The following RECQL variants were observed in gnomAD, a reference collection of about 807,000 sequenced individuals.
RECQL encodes the protein RecQ like helicase.
Under a neutral mutation model 75.8 loss-of-function variants are expected in RECQL, and 73 were observed. The observed-to-expected ratio is 0.96, with a 90% CI of 0.80 to 1.17. RECQL has a LOEUF of 1.17. Ranked by LOEUF, RECQL falls within the 50% of genes most tolerant of loss-of-function variation. The pLI is 0.00. For synonymous variants in RECQL, 248 were observed against 254.4 expected, an observed-to-expected ratio of 0.97 and a Z score of 0.24; for missense variants, 699 against 772.1, an observed-to-expected ratio of 0.91 and a Z score of 1.12.
chr12:21,483,981 T>C (rs1156743023), intron 5 of RECQL, among the ~76,000 whole-genome samples: 1 of 152,190 alleles, frequency 6.6e-6, no homozygotes, highest in African/African-American at 2.4e-5. Flanking sequence ...AATCCCTTTA[T>C]GTATGTGAAC....
At chr12:21,486,965 G>A (rs1018615221) in intron 4 of RECQL, among the ~76,000 whole-genome samples, 4 of 151,926 alleles carry the variant, frequency 2.6e-5, no homozygotes, top group African/African-American at 4.8e-5. Context: ...GAGCTACCAC[G>A]CCCGGCCCAT....
Position 21,490,371 on chromosome 12 carries a change from T to C in RECQL, c.222A>G (p.Pro74=), listed in dbSNP as rs145853063. ...GAATATCTTTAACTTTACCAGACCATGGAAAATCTAGGAAAAGAAAGTTAA... is the reference window on the plus strand; with the variant it reads ...GAATATCTTTAACTTTACCAGACCACGGAAAATCTAGGAAAAGAAAGTTAA... ...SPAAWNKEDF[P]WSGKVKDILQ... Residue 74 remains proline (P), a synonymous_variant, in exon 4 of 15, where the codon CCA becomes CCG. Transcript: ENST00000444129. 2.5e-6 allele frequency: 4 copies of C among 1,605,738 alleles called. No individual in the cohort carries two copies. The African/African-American group carries it at 5.4e-5, about 22-fold the overall frequency.
chr12:21,496,999 G>C (rs959822388), intron 2 of RECQL, among the ~76,000 whole-genome samples: 5 of 152,176 alleles, frequency 3.3e-5, no homozygotes, highest in African/African-American at 9.7e-5. Flanking sequence ...AAGATGATAA[G>C]GATTTTAGAG....
chr12:21,470,813 A>G (rs1409918725), intron 14 of RECQL, 156 bp downstream of exon 14: 7 of 483,958 alleles, frequency 1.4e-5, no homozygotes, highest in Non-Finnish European at 2.0e-5. Context: ...ATCTTTACAG[A>G]AAACTATATT....
intron 5 of RECQL, 66 bp from the exon 6 acceptor site, chr12:21,483,640 G>A (rs1425057408): frequency 4.3e-6 from 5 of 1,169,052 alleles, no homozygotes; most frequent in Non-Finnish European, 6.0e-6. Context: ...ATACTAGGTG[G>A]TAAATGAAAA....
chr12:21,480,658 C>T (rs1369071581), intron 6 of RECQL, among the ~76,000 whole-genome samples: 2 of 152,156 alleles, frequency 1.3e-5, no homozygotes, highest in Admixed American at 6.5e-5. Context: ...CTAACTGCTT[C>T]CTGTGGGCTT....
chr12:21,471,883 T>A (rs536318292), intron 12 of RECQL, among the ~76,000 whole-genome samples: 1 of 152,112 alleles, frequency 6.6e-6, no homozygotes, highest in Non-Finnish European at 1.5e-5. Flanking sequence ...TAAAAAAAAA[T>A]TGGTTATCAG....
At position 21,475,465 on chromosome 12, in the gene RECQL, T is replaced by C. The variant is rs372364772; in HGVS notation, c.1216+3A>G. 3.2e-6 allele frequency: 5 copies of C among 1,584,624 alleles called. No homozygotes were observed. In the African/African-American group the frequency reaches 5.4e-5, roughly 17 times the overall value. ...TTTACTTCTGGATTTGAGTCCTACA[T>C]ACCTGCACGTCCACTCTCTTGGTAA... is the stretch of plus-strand genomic sequence containing the variant. On this transcript the variant is annotated splice_donor_region_variant and intron_variant, in intron 10 of 14. Transcript: ENST00000444129.
At chr12:21,486,630 C>A (rs2137389185) in intron 4 of RECQL, 45 bp from the exon 5 acceptor site, 1 of 1,163,282 alleles carries the variant, frequency 8.6e-7, no homozygotes, top group South Asian at 1.4e-5. Context: ...TTTACACCAC[C>A]CTCAGAATCA....
intron 14 of RECQL, 51 bp from the exon 15 acceptor site, chr12:21,470,397 A>G: frequency 6.7e-7 from 1 of 1,484,718 alleles, no homozygotes; most frequent in Non-Finnish European, 8.9e-7. Flanking sequence ...AAATCCAGCT[A>G]TTCAGTTTTC....
At position 21,476,952 on chromosome 12, in the gene RECQL, T is replaced by A; in HGVS notation, c.908A>T (p.Asp303Val). 3 of 1,610,468 alleles carry A rather than the reference T, an allele frequency of 1.9e-6. No individual in the cohort carries two copies. The highest frequency in any genetic ancestry group is 2.5e-6 in the Non-Finnish European group (3 of 1,178,536). The change falls in exon 8 of 15, where the codon GAT (aspartate) becomes GTT (valine). Residue 303 changes from aspartate to valine, a missense_variant. This residue lies in a region of RECQL where 669 missense variants were observed against 713.5 expected (regional missense o/e 0.94). Coordinates refer to ENST00000444129, the MANE Select transcript of RECQL (RefSeq NM_002907.4). ...TCTCCCATTAATGAGCTTTACAATA[T>A]CCTCAATAAAATCTTCAGTGTTTGA... ...KPSNTEDFIE[D>V]IVKLINGRYK...
rs1943378838 is a variant in RECQL, at chr12:21,490,054, T to A, written c.394+145A>T. ...AAAATTCCTCCTTTAAGTGAAACTT[T>A]AAATTTCTATTAATATAGAAGAAAT... On this transcript the variant is annotated intron_variant, in intron 4 of 14. Transcript: ENST00000444129. 1.1e-5 allele frequency: 5 copies of A among 447,506 alleles called. No individual in the cohort carries two copies. The South Asian group carries it at 2.9e-4, about 26-fold the overall frequency. 27.7% of individuals were successfully genotyped at this position (447,506 alleles called of 1,614,324 possible).
Position 21,470,363 on chromosome 12 carries a change from A to C in RECQL, c.1798-17T>G, listed in dbSNP as rs1201010358. The C allele has an allele frequency of 3.3e-6, 5 of 1,535,046 alleles. No homozygotes were observed. In the South Asian group the frequency reaches 3.7e-5, roughly 11 times the overall value. On this transcript the variant is annotated splice_polypyrimidine_tract_variant and intron_variant, in intron 14 of 14. Transcript: ENST00000444129. ...CGATTCAGCCTACAAAAAAAAAAAA[A>C]AAACAAAGCAAGCACCTTGGTAAAA...
At chr12:21,496,753 AAGAG>A (rs1943515859) in intron 2 of RECQL, among the ~76,000 whole-genome samples, 1 of 152,202 alleles carries the variant, frequency 6.6e-6, no homozygotes, top group Non-Finnish European at 1.5e-5. Context: ...TCCTATTACT[AAGAG>A]AGCAGCACAG....
At chr12:21,499,465 T>C (rs1389688646) in intron 2 of RECQL, 90 bp downstream of exon 2, 3 of 1,210,206 alleles carry the variant, frequency 2.5e-6, no homozygotes, top group Non-Finnish European at 1.2e-6. Flanking sequence ...ATCATTTCTA[T>C]AATCAGAATT....
chr12:21,470,779 G>A (rs1942930772), intron 14 of RECQL, 190 bp downstream of exon 14: 2 of 399,354 alleles, frequency 5.0e-6, no homozygotes, highest in Non-Finnish European at 8.5e-6. Flanking sequence ...ATGTTAAAAG[G>A]CCAGTCTAAA....
intron 3 of RECQL, 58 bp downstream of exon 3, chr12:21,491,461 A>G (rs1262668938): frequency 6.8e-7 from 1 of 1,477,316 alleles, no homozygotes; most frequent in Non-Finnish European, 9.0e-7. Context: ...AATTCATTCT[A>G]GTTTTTTAAA....
In RECQL at chr12:21,486,579, G is replaced by A. The variant is rs150306543; in HGVS notation, c.401C>T (p.Thr134Ile). Residue 134 changes from threonine to isoleucine, a missense_variant, in exon 5 of 15, where the codon ACA becomes ATA. Thr to Ile is a moderately conservative substitution (Grantham distance 89). Coordinates refer to ENST00000444129, the MANE Select transcript of RECQL (RefSeq NM_002907.4). ...AGAGATCAATGGGCAAATGACGAGTGTAAAACCTAAAAGAGAAAAAAAAAA... is the reference window on the plus strand; with the variant it reads ...AGAGATCAATGGGCAAATGACGAGTATAAAACCTAAAAGAGAAAAAAAAAA... Reference protein sequence around the residue: ...QLPALCSDGFTLVICPLISLM... With the variant: ...QLPALCSDGFILVICPLISLM... 1,092 of 1,472,300 alleles carry A rather than the reference G, an allele frequency of 7.4e-4. 6 individuals carry two copies. The highest frequency in any genetic ancestry group is 5.0e-3 in the South Asian group (408 of 81,938). The allele number at this position is 1,472,300 out of a possible 1,614,324, so 91.2% of individuals were successfully genotyped here.
At position 21,490,484 on chromosome 12, in the gene RECQL, A is replaced by C. The variant is rs980399219; in HGVS notation, c.215-106T>G. 1.4e-5 allele frequency: 9 copies of C among 654,114 alleles called. No individual in the cohort carries two copies. The South Asian group carries it at 1.9e-4, about 14-fold the overall frequency. 40.5% of individuals were successfully genotyped at this position (654,114 alleles called of 1,614,324 possible). A position where few individuals can be genotyped will look rare whatever the true frequency, so the allele number is the denominator to read the frequency against. On this transcript the variant is annotated intron_variant, in intron 3 of 14. Transcript: ENST00000444129. Reference sequence around the variant, plus strand: ...GACTTCTAATACTTATAGACCATTAAACTTTTATGATAATAGTTTTGAGAT... The same window carrying C: ...GACTTCTAATACTTATAGACCATTACACTTTTATGATAATAGTTTTGAGAT...
Sources: allele counts gnomAD v4.1 joint callset (sites outside exome capture counted in the v4.1 genomes callset), GRCh38; gene constraint gnomAD v4.1.1; regional missense constraint gnomAD v4.1.1; transcripts MANE v1.5; gene names NCBI Gene and HGNC (gene_info 2026-07-23, HGNC 2026-07-21).